Variants in NUP107 observed in about 807,000 individuals in gnomAD.
The protein encoded by NUP107 is nuclear pore complex protein Nup107.
In NUP107, 101 loss-of-function variants were observed where a neutral mutation model predicts 141.0. The observed-to-expected ratio is 0.72, with a 90% CI of 0.61 to 0.84. The LOEUF (loss-of-function observed/expected upper bound fraction) is 0.84, where lower values mean the gene tolerates loss of function less well. Among genes scored for constraint, NUP107 ranks in the 40% least tolerant of loss-of-function variants. The probability of loss-of-function intolerance (pLI) is 0.00; values close to 1 mark genes in which losing one functional copy is unlikely to be tolerated. For synonymous variants in NUP107, 319 were observed against 363.9 expected, an observed-to-expected ratio of 0.88 and a Z score of 1.41; for missense variants, 941 against 1,102.7, an observed-to-expected ratio of 0.85 and a Z score of 2.08.
intron 6 of NUP107, among the ~76,000 whole-genome samples, chr12:68,699,724 C>G (rs1407716841): frequency 6.6e-6 from 1 of 152,138 alleles, no homozygotes; most frequent in African/African-American, 2.4e-5. Flanking sequence ...GAGCAGTCTT[C>G]TTCCTTAATT....
At chr12:68,709,211 T>A in intron 8 of NUP107, 27 bp from the exon 9 acceptor site, 3 of 1,434,626 alleles carry the variant, frequency 2.1e-6, no homozygotes, top group Non-Finnish European at 2.9e-6. Context: ...TTCATTCTGT[T>A]TATCCTTTTA....
intron 10 of NUP107, among the ~76,000 whole-genome samples, chr12:68,712,327 A>G (rs1170761629): frequency 6.6e-6 from 1 of 151,546 alleles, no homozygotes; most frequent in Non-Finnish European, 1.5e-5. Flanking sequence ...TACTAAAAAT[A>G]CAAAAATTAG....
At position 68,739,339 on chromosome 12, in the gene NUP107, G is replaced by A. The variant is rs754493845; in HGVS notation, c.2503-2474G>A. On this transcript the variant is annotated intron_variant, in intron 26 of 27. Transcript: ENST00000229179. ...CATTAGAATATAACCTTCATGAAGG[G>A]AGTAACCTTGTTTTCTTTATTTCTT... 3.3e-5 allele frequency among the ~76,000 whole-genome samples: 5 copies of A among 152,128 alleles called. No homozygotes were observed. In the East Asian group the frequency reaches 9.6e-4, roughly 29 times the overall value.
chr12:68,700,981 A>G (rs554291749), intron 7 of NUP107, 128 bp downstream of exon 7: 9 of 858,596 alleles, frequency 1.0e-5, no homozygotes, highest in Non-Finnish European at 1.6e-5. Flanking sequence ...TATCATTTCG[A>G]ATACCTTAGT....
intron 6 of NUP107, among the ~76,000 whole-genome samples, chr12:68,699,230 G>A (rs1329946799): frequency 1.3e-5 from 2 of 152,018 alleles, no homozygotes; most frequent in Non-Finnish European, 1.5e-5. Flanking sequence ...AAAATTAGTG[G>A]AGTGTGGTGG....
chr12:68,709,329 T>G lies in NUP107; in HGVS notation c.801+20T>G, dbSNP rs757985505. The G allele has an allele frequency of 2.8e-6, 4 of 1,417,792 alleles. No homozygotes were observed. The highest frequency in any genetic ancestry group is 3.9e-6 in the Non-Finnish European group (4 of 1,032,662). The allele number at this position is 1,417,792 out of a possible 1,614,324, so 87.8% of individuals were successfully genotyped here. A position where few individuals can be genotyped will look rare whatever the true frequency, so the allele number is the denominator to read the frequency against. ...AGTCAGGTATGACTAGAATTTAAAATTTTTTTTTATGAAACATGGAGAAAA... is the reference window on the plus strand; with the variant it reads ...AGTCAGGTATGACTAGAATTTAAAAGTTTTTTTTATGAAACATGGAGAAAA... On this transcript the variant is annotated intron_variant, in intron 9 of 27. Coordinates refer to ENST00000229179, the MANE Select transcript of NUP107 (RefSeq NM_020401.4).
At chr12:68,703,536 C>T (rs1215911328) in intron 8 of NUP107, among the ~76,000 whole-genome samples, 2 of 151,942 alleles carry the variant, frequency 1.3e-5, no homozygotes, top group East Asian at 3.9e-4. Flanking sequence ...CTGCAACCTC[C>T]GCCTCCTGGG....
chr12:68,696,907 C>A lies in NUP107; in HGVS notation c.537C>A (p.Asn179Lys). 1 of 1,598,122 alleles carries A rather than the reference C, an allele frequency of 6.3e-7. No homozygotes were observed. The highest frequency in any genetic ancestry group is 8.6e-7 in the Non-Finnish European group (1 of 1,169,452). The change falls in exon 6 of 28, where the codon AAC (asparagine) becomes AAA (lysine). Residue 179 changes from asparagine (N) to lysine (K), a missense_variant. Transcript: ENST00000229179. ...TTGATCTTGTGGAAGAGTATGAAAACATCTGTGGTAGTCAGGTAAGCTAAT... is the reference window on the plus strand; with the variant it reads ...TTGATCTTGTGGAAGAGTATGAAAAAATCTGTGGTAGTCAGGTAAGCTAAT... Reference protein sequence around the residue: ...TVFDLVEEYENICGSQVNILS... With the variant: ...TVFDLVEEYEKICGSQVNILS...
Position 68,738,307 on chromosome 12 carries a change from G to A in NUP107, c.2502+2963G>A, listed in dbSNP as rs182971749. Among the ~76,000 whole-genome samples, 35 of 151,044 alleles carry A rather than the reference G, an allele frequency of 2.3e-4. No individual in the cohort carries two copies. The East Asian group carries it at 6.8e-3, about 29-fold the overall frequency. On this transcript the variant is annotated intron_variant, in intron 26 of 27. Coordinates refer to ENST00000229179, the MANE Select transcript of NUP107 (RefSeq NM_020401.4). ...AAAATAAAAATACAAAAAATTAGCC[G>A]GGTGTGGTGGCTCGCGCCTGTAATC...
At chr12:68,724,183 A>C (rs1592514494) in intron 17 of NUP107, among the ~76,000 whole-genome samples, 1 of 152,174 alleles carries the variant, frequency 6.6e-6, no homozygotes, top group East Asian at 1.9e-4. Flanking sequence ...AACTATTTAG[A>C]AAAGGATTTA....
chr12:68,689,039 A>G lies in NUP107; in HGVS notation c.86A>G (p.Gln29Arg). 1.2e-6 allele frequency: 2 copies of G among 1,612,388 alleles called. No homozygotes were observed. Among genetic ancestry groups the G allele is most frequent in the Non-Finnish European group, 1.7e-6 (2 of 1,178,768 alleles). ...CGGACTGCACGGAAACAGAGTGCTC[A>G]GAAAAGAGTTTTACGTATCCTTTGC... ...VTRTARKQSA[Q>R]KRVLLQASQD... is the part of the protein sequence containing the mutation. Residue 29 changes from glutamine (Q) to arginine (R), a missense_variant, in exon 2 of 28, where the codon CAG becomes CGG. By Grantham distance (43) the Gln-to-Arg change is conservative (BLOSUM62 1). Coordinates refer to ENST00000229179, the MANE Select transcript of NUP107 (RefSeq NM_020401.4).
intron 11 of NUP107, among the ~76,000 whole-genome samples, chr12:68,715,355 G>A (rs902217527): frequency 6.6e-6 from 1 of 152,168 alleles, no homozygotes; most frequent in African/African-American, 2.4e-5. Flanking sequence ...TTAGCTGGGC[G>A]TGGTGGCGTG....
At chr12:68,687,545 C>T (rs1225349784) in intron 1 of NUP107, 4 of 991,262 alleles carry the variant, frequency 4.0e-6, no homozygotes, top group South Asian at 4.6e-5. Context: ...GATCCTTCCC[C>T]TCGGGGAATT....
chr12:68,691,872 A>G, intron 4 of NUP107, 96 bp from the exon 5 acceptor site: 1 of 1,048,606 alleles, frequency 9.5e-7, no homozygotes, highest in Non-Finnish European at 1.3e-6. Context: ...ATACATACAT[A>G]TAATTTTTAG....
At chr12:68,715,536 C>G in intron 11 of NUP107, 91 bp from the exon 12 acceptor site, 2 of 729,382 alleles carry the variant, frequency 2.7e-6, no homozygotes, top group East Asian at 2.5e-5. Context: ...TGTATAAACT[C>G]AGGATAGGTT....
chr12:68,692,019 T>TC lies in NUP107; in HGVS notation c.357dup (p.Gly120ArgfsTer24), dbSNP rs757999592. 1 of 1,612,670 alleles carries TC rather than the reference T, an allele frequency of 6.2e-7. No individual in the cohort carries two copies. Among genetic ancestry groups the TC allele is most frequent in the Non-Finnish European group, 8.5e-7 (1 of 1,179,640 alleles). ...GGCAGCTGCATTTTCATCACAGCGT[T>TC]CCGGGCTGTTCACAAACACAGAGCC... On this transcript the variant is annotated frameshift_variant, in exon 5 of 28. Transcript: ENST00000229179. LOFTEE classifies it high-confidence loss of function.
At chr12:68,715,562 A>G in intron 11 of NUP107, 65 bp from the exon 12 acceptor site, 1 of 815,236 alleles carries the variant, frequency 1.2e-6, no homozygotes, top group Admixed American at 2.0e-5. Context: ...TCTCTTGATG[A>G]TGTGTAAAAT....
At chr12:68,689,771 A>G (rs1430679500) in intron 3 of NUP107, 152 bp downstream of exon 3, 2 of 610,186 alleles carry the variant, frequency 3.3e-6, no homozygotes, top group African/African-American at 3.7e-5. Flanking sequence ...AACTCTTGCC[A>G]TGTACAAGGT....
chr12:68,709,940 A>T (rs1040596390), intron 9 of NUP107, 65 bp from the exon 10 acceptor site: 1 of 912,114 alleles, frequency 1.1e-6, no homozygotes, highest in Admixed American at 1.9e-5. Flanking sequence ...TAGTAGTACC[A>T]CTACAAATAA....
Sources: allele counts gnomAD v4.1 joint callset (sites outside exome capture counted in the v4.1 genomes callset), GRCh38; gene constraint gnomAD v4.1.1; transcripts MANE v1.5; gene names NCBI Gene and HGNC (gene_info 2026-07-23, HGNC 2026-07-21).